The following ANKH variants were observed in gnomAD, a reference collection of about 807,000 sequenced individuals.
The protein encoded by ANKH is ANKH inorganic pyrophosphate transport regulator, also known as mineralization regulator ANKH.
A neutral mutation model predicts 49.0 loss-of-function variants in ANKH; 15 were observed. That is an observed-to-expected ratio of 0.31 (90% CI 0.20 to 0.47). The LOEUF (loss-of-function observed/expected upper bound fraction) is 0.47, where lower values mean the gene tolerates loss of function less well. Ranked by LOEUF, ANKH falls within the 20% of genes least tolerant of loss-of-function variation. ANKH has a pLI of 1.00. For missense variants in ANKH, 429 were observed against 652.0 expected (o/e 0.66, Z 3.72); for synonymous variants, 273 against 260.0 (o/e 1.05, Z -0.48).
chr5:14,712,873 C>G lies in ANKH; in HGVS notation c.1365+1G>C, dbSNP rs760406281. 2 of 1,606,690 alleles carry G rather than the reference C, an allele frequency of 1.2e-6. No individual in the cohort carries two copies. The highest frequency in any genetic ancestry group is 2.7e-5 in the African/African-American group (2 of 74,838). On this transcript the variant is annotated splice_donor_variant, in intron 11 of 11. Coordinates refer to ENST00000284268, the MANE Select transcript of ANKH (RefSeq NM_054027.6). LOFTEE classifies it high-confidence loss of function. ...GGAGGCTCCCGGCGCGGCTGTCTCA[C>G]CTGCTTCCGGTAGACATAGCACGCA...
At chr5:14,778,560 A>T (rs542602523) in intron 1 of ANKH, among the ~76,000 whole-genome samples, 1 of 152,196 alleles carries the variant, frequency 6.6e-6, no homozygotes, top group South Asian at 2.1e-4. Context: ...ATTTCAGTTA[A>T]AATCTCCGGC....
At chr5:14,777,997 C>A (rs1445837574) in intron 1 of ANKH, among the ~76,000 whole-genome samples, 1 of 152,200 alleles carries the variant, frequency 6.6e-6, no homozygotes, top group Non-Finnish European at 1.5e-5. Context: ...CCTGCAGTCC[C>A]GCTCCAGTGA....
chr5:14,858,386 G>A (rs767244829), intron 1 of ANKH, among the ~76,000 whole-genome samples: 3 of 152,078 alleles, frequency 2.0e-5, no homozygotes, highest in Non-Finnish European at 4.4e-5. Flanking sequence ...AATTGCCTAC[G>A]ATAAAAAGTA....
intron 1 of ANKH, among the ~76,000 whole-genome samples, chr5:14,791,309 G>A (rs2126544284): frequency 6.6e-6 from 1 of 152,266 alleles, no homozygotes; most frequent in East Asian, 1.9e-4. Flanking sequence ...AACTGCCTGA[G>A]ATGTCATGAC....
At chr5:14,752,826 G>C (rs1287187227) in intron 4 of ANKH, among the ~76,000 whole-genome samples, 4 of 152,116 alleles carry the variant, frequency 2.6e-5, no homozygotes, top group Non-Finnish European at 5.9e-5. Flanking sequence ...TGGACTGATG[G>C]GGGTGGAAGT....
intron 1 of ANKH, among the ~76,000 whole-genome samples, chr5:14,802,046 C>G (rs1266202338): frequency 6.6e-6 from 1 of 152,050 alleles, no homozygotes; most frequent in Non-Finnish European, 1.5e-5. Context: ...GTTTCAATTC[C>G]TTTCTTCCTG....
At chr5:14,807,850 C>T (rs895493866) in intron 1 of ANKH, among the ~76,000 whole-genome samples, 2 of 151,866 alleles carry the variant, frequency 1.3e-5, no homozygotes, top group Admixed American at 6.6e-5. Context: ...GGTGAGAGGT[C>T]GGGGGGGTTA....
intron 1 of ANKH, chr5:14,870,173 T>C (rs1273874498): frequency 1.3e-5 from 2 of 152,188 alleles, no homozygotes; most frequent in Admixed American, 6.5e-5. Flanking sequence ...ATATGCCATA[T>C]TGTGAACACC....
At position 14,741,851 on chromosome 5, in the gene ANKH, G is replaced by C. The variant is rs150338234; in HGVS notation, c.987C>G (p.Phe329Leu). The C allele has an allele frequency of 6.2e-7, 1 of 1,613,922 alleles. No homozygotes were observed. The highest frequency in any genetic ancestry group is 1.1e-5 in the South Asian group (1 of 91,084). Residue 329 changes from phenylalanine to leucine, a missense_variant, in exon 8 of 12, where the codon TTC becomes TTG. By Grantham distance (22) the Phe-to-Leu change is conservative. Around this residue, in one of 2 missense-constraint regions of ANKH, gnomAD observed 378 missense variants for 615.3 expected, o/e 0.61. Transcript: ENST00000284268. ...VTAAHIKKFTFVCMALSLTLC... is the reference protein window; with the variant it reads ...VTAAHIKKFTLVCMALSLTLC... ...CCGTGAGTGACAGAGCCATGCAGAC[G>C]AAGGTGAACTTCTTGATGTGGGCTG... is the stretch of plus-strand genomic sequence containing the variant.
chr5:14,792,987 TAA>T (rs1252351983), intron 1 of ANKH, among the ~76,000 whole-genome samples: 4 of 107,620 alleles, frequency 3.7e-5, no homozygotes, highest in Admixed American at 2.5e-4. Context: ...TATATATATA[TAA>T]AAATATATAT....
At chr5:14,769,888 G>A (rs1488841835) in intron 1 of ANKH, among the ~76,000 whole-genome samples, 2 of 152,176 alleles carry the variant, frequency 1.3e-5, no homozygotes, top group Non-Finnish European at 2.9e-5. Context: ...GCAGGAAGAT[G>A]CGGTTGTAAA....
At chr5:14,726,555 G>T (rs182032049) in intron 8 of ANKH, among the ~76,000 whole-genome samples, 33 of 152,278 alleles carry the variant, frequency 2.2e-4, no homozygotes, top group Non-Finnish European at 4.3e-4. Context: ...AGCTGGGCAA[G>T]AGTGACGGGA....
chr5:14,732,502 A>G (rs1479020279), intron 8 of ANKH, among the ~76,000 whole-genome samples: 1 of 152,214 alleles, frequency 6.6e-6, no homozygotes, highest in Non-Finnish European at 1.5e-5. Context: ...ATACATATAT[A>G]TAATTCATAA....
At chr5:14,773,445 C>T (rs766839407) in intron 1 of ANKH, among the ~76,000 whole-genome samples, 6 of 145,234 alleles carry the variant, frequency 4.1e-5, no homozygotes, top group Non-Finnish European at 4.5e-5. Context: ...CAACAGTTCC[C>T]GGACTTGAGT....
intron 1 of ANKH, among the ~76,000 whole-genome samples, chr5:14,831,352 TTTA>T (rs1293291828): frequency 1.3e-5 from 2 of 152,160 alleles, no homozygotes; most frequent in Non-Finnish European, 2.9e-5. Context: ...ATTTGGCATT[TTTA>T]TTATTATTTT....
intron 1 of ANKH, among the ~76,000 whole-genome samples, chr5:14,769,579 A>G (rs965742691): frequency 6.6e-6 from 1 of 152,100 alleles, no homozygotes; most frequent in African/African-American, 2.4e-5. Flanking sequence ...CGAGTCTAAC[A>G]GTTTATATCA....
chr5:14,824,829 T>C (rs1034463610), intron 1 of ANKH, among the ~76,000 whole-genome samples: 1 of 152,182 alleles, frequency 6.6e-6, no homozygotes, highest in African/African-American at 2.4e-5. Flanking sequence ...CCAACAGCTC[T>C]GGTTACACGC....
chr5:14,868,247 A>G (rs1229228966), intron 1 of ANKH, among the ~76,000 whole-genome samples: 1 of 152,178 alleles, frequency 6.6e-6, no homozygotes, highest in African/African-American at 2.4e-5. Flanking sequence ...AGATCTGTAC[A>G]TGTTTTTAAA....
chr5:14,771,679 T>G (rs1739432729), intron 1 of ANKH, among the ~76,000 whole-genome samples: 1 of 151,972 alleles, frequency 6.6e-6, no homozygotes, highest in Admixed American at 6.6e-5. Context: ...CCAGCACTTG[T>G]GGAGGCTGAG....
Sources: allele counts gnomAD v4.1 joint callset (sites outside exome capture counted in the v4.1 genomes callset), GRCh38; gene constraint gnomAD v4.1.1; regional missense constraint gnomAD v4.1.1; transcripts MANE v1.5; gene names NCBI Gene and HGNC (gene_info 2026-07-23, HGNC 2026-07-21).